The following UBTD1 variants were observed in gnomAD, a reference collection of about 807,000 sequenced individuals.
The protein encoded by UBTD1 is ubiquitin domain-containing protein 1.
UBTD1 carries 19 observed loss-of-function variants against 21.7 expected under a neutral mutation model. The observed-to-expected ratio is 0.87, with a 90% CI of 0.61 to 1.28. UBTD1 has a LOEUF of 1.28. Ranked by LOEUF, UBTD1 falls within the 50% of genes most tolerant of loss-of-function variation. UBTD1 has a pLI of 0.00. For synonymous variants in UBTD1, 116 were observed against 135.1 expected (o/e 0.86, Z 0.98); for missense variants, 282 against 315.1 (o/e 0.89, Z 0.80).
At position 97,543,979 on chromosome 10, in the gene UBTD1, A is replaced by ACT. The variant is rs2040597603; in HGVS notation, c.71-23934_71-23933insTC. ...GTTAGTTGAAACAAGGATGGGTGAG[A>ACT]CGGTAAAGAATCTGGAGAAAGGCCA... is the stretch of plus-strand genomic sequence containing the variant. On this transcript the variant is annotated intron_variant, in intron 1 of 2. Transcript: ENST00000370664. Among the ~76,000 whole-genome samples, 4 of 152,086 alleles carry ACT rather than the reference A, an allele frequency of 2.6e-5. No homozygotes were observed. The South Asian group carries it at 8.3e-4, about 32-fold the overall frequency.
At chr10:97,508,083 C>A (rs1164036879) in intron 1 of UBTD1, among the ~76,000 whole-genome samples, 1 of 152,208 alleles carries the variant, frequency 6.6e-6, no homozygotes. Context: ...AGGAGCATCA[C>A]GTGCAGTATT....
At chr10:97,517,002 G>A (rs1458115428) in intron 1 of UBTD1, among the ~76,000 whole-genome samples, 1 of 152,124 alleles carries the variant, frequency 6.6e-6, no homozygotes, top group African/African-American at 2.4e-5. Context: ...CCAGGGAGAG[G>A]CAGGGCACCT....
intron 1 of UBTD1, among the ~76,000 whole-genome samples, chr10:97,540,232 CTG>C (rs2040581441): frequency 6.6e-6 from 1 of 152,192 alleles, no homozygotes; most frequent in South Asian, 2.1e-4. Flanking sequence ...CTCAGCTAGA[CTG>C]TACACAGAAT....
intron 1 of UBTD1, among the ~76,000 whole-genome samples, chr10:97,523,854 C>T (rs894706618): frequency 6.6e-6 from 1 of 152,020 alleles, no homozygotes; most frequent in Non-Finnish European, 1.5e-5. Context: ...GAAGACCCGA[C>T]GTCCCTTGTT....
At chr10:97,501,362 G>A (rs907262657) in intron 1 of UBTD1, among the ~76,000 whole-genome samples, 3 of 152,214 alleles carry the variant, frequency 2.0e-5, no homozygotes. Context: ...CAAGGCAGGT[G>A]GATCACCTGA....
At chr10:97,505,167 G>C (rs773663964) in intron 1 of UBTD1, among the ~76,000 whole-genome samples, 1 of 152,184 alleles carries the variant, frequency 6.6e-6, no homozygotes, top group Non-Finnish European at 1.5e-5. Flanking sequence ...CCATCAACTT[G>C]CTGGAGAATT....
At chr10:97,530,880 T>A (rs1253193869) in intron 1 of UBTD1, among the ~76,000 whole-genome samples, 1 of 151,798 alleles carries the variant, frequency 6.6e-6, no homozygotes. Flanking sequence ...AAAAATTTTT[T>A]AAATTTTTAA....
intron 1 of UBTD1, among the ~76,000 whole-genome samples, chr10:97,514,641 G>A (rs1251567008): frequency 2.0e-5 from 3 of 152,088 alleles, no homozygotes; most frequent in Admixed American, 6.5e-5. Flanking sequence ...CAGGAGCCCC[G>A]AGGAACCGGG....
At chr10:97,546,185 C>T (rs1227180174) in intron 1 of UBTD1, among the ~76,000 whole-genome samples, 1 of 152,114 alleles carries the variant, frequency 6.6e-6, no homozygotes, top group Non-Finnish European at 1.5e-5. Context: ...GGCTGAATTG[C>T]CCCCCAGCTG....
chr10:97,506,177 G>GGGGA (rs1217034310), intron 1 of UBTD1, among the ~76,000 whole-genome samples: 1 of 152,208 alleles, frequency 6.6e-6, no homozygotes, highest in Non-Finnish European at 1.5e-5. Flanking sequence ...GAAATTGCTG[G>GGGGA]GGGAGAGCCC....
At chr10:97,552,041 T>C (rs2040639930) in intron 1 of UBTD1, among the ~76,000 whole-genome samples, 1 of 151,896 alleles carries the variant, frequency 6.6e-6, no homozygotes, top group East Asian at 1.9e-4. Context: ...TCTCCCAAAG[T>C]GCGGGGGTTA....
At chr10:97,543,378 A>T (rs2040595139) in intron 1 of UBTD1, among the ~76,000 whole-genome samples, 1 of 152,214 alleles carries the variant, frequency 6.6e-6, no homozygotes, top group African/African-American at 2.4e-5. Flanking sequence ...GAGGAGAATG[A>T]ATGTGCTTCT....
At chr10:97,517,115 G>A (rs959193921) in intron 1 of UBTD1, among the ~76,000 whole-genome samples, 1 of 152,158 alleles carries the variant, frequency 6.6e-6, no homozygotes, top group Admixed American at 6.5e-5. Context: ...GGCACTCCAG[G>A]CAGCAAGGGA....
At chr10:97,502,097 A>G (rs2040378947) in intron 1 of UBTD1, among the ~76,000 whole-genome samples, 1 of 152,184 alleles carries the variant, frequency 6.6e-6, no homozygotes, top group Non-Finnish European at 1.5e-5. Flanking sequence ...CACTTAACAC[A>G]ATGAGTTGTA....
intron 1 of UBTD1, among the ~76,000 whole-genome samples, chr10:97,563,741 G>T (rs1353604966): frequency 2.0e-5 from 3 of 152,142 alleles, no homozygotes; most frequent in African/African-American, 7.2e-5. Flanking sequence ...GGTGAATGGG[G>T]TATGACTAGA....
rs576875830 is a variant in UBTD1 at position 97,570,667 on chromosome 10, G to A, written c.*144G>A. The A allele has an allele frequency of 1.9e-6, 2 of 1,035,264 alleles. No homozygotes were observed. The highest frequency in any genetic ancestry group is 5.1e-5 in the East Asian group (2 of 38,838). 64.1% of individuals were successfully genotyped at this position (1,035,264 alleles called of 1,614,324 possible). On this transcript the variant is annotated 3_prime_UTR_variant, in exon 3 of 3. Transcript: ENST00000370664. This position sits in a 1 kb window ranked among gnomAD's most constrained non-coding sequence, Gnocchi z 6.6. ...AGCCGTGAAGGGACCCTGCCTTTCA[G>A]GGCACTACGCGCCACCAGTTCCCGG...
intron 1 of UBTD1, among the ~76,000 whole-genome samples, chr10:97,567,600 A>G (rs1360047553): frequency 6.6e-5 from 10 of 151,982 alleles, no homozygotes; most frequent in Non-Finnish European, 1.3e-4. Flanking sequence ...CGGAGGTTGC[A>G]GTGAGCCGAG....
At chr10:97,546,069 G>A (rs1480131116) in intron 1 of UBTD1, among the ~76,000 whole-genome samples, 1 of 152,152 alleles carries the variant, frequency 6.6e-6, no homozygotes, top group Non-Finnish European at 1.5e-5. Flanking sequence ...ACAGGCGTGA[G>A]CCACCACACC....
chr10:97,539,571 G>T (rs2040578167), intron 1 of UBTD1, among the ~76,000 whole-genome samples: 1 of 152,032 alleles, frequency 6.6e-6, no homozygotes, highest in Non-Finnish European at 1.5e-5. Context: ...CTCCAGCCTG[G>T]GTGACAGAGA....
Sources: allele counts gnomAD v4.1 joint callset (sites outside exome capture counted in the v4.1 genomes callset), GRCh38; gene constraint gnomAD v4.1.1; non-coding constraint Gnocchi (gnomAD v3.1); transcripts MANE v1.5; gene names NCBI Gene and HGNC (gene_info 2026-07-23, HGNC 2026-07-21).